SLIT1: variants seen among roughly 807,000 people sequenced by gnomAD.
SLIT1 encodes slit homolog 1 protein.
SLIT1 carries 66 observed loss-of-function variants against 186.1 expected under a neutral mutation model. The ratio of observed to expected loss-of-function variants is 0.35; its 90% CI spans 0.29 to 0.44. SLIT1 has a LOEUF of 0.44. Ranked by LOEUF, SLIT1 falls within the 20% of genes least tolerant of loss-of-function variation. The probability of loss-of-function intolerance (pLI) is 1.00; values close to 1 mark genes in which losing one functional copy is unlikely to be tolerated. For missense variants in SLIT1, 1,638 were observed against 2,037.4 expected, an observed-to-expected ratio of 0.80 and a Z score of 3.77; for synonymous variants, 761 against 833.8, an observed-to-expected ratio of 0.91 and a Z score of 1.50.
At chr10:97,019,853 T>A (rs1848487413) in intron 26 of SLIT1, among the ~76,000 whole-genome samples, 1 of 152,180 alleles carries the variant, frequency 6.6e-6, no homozygotes. Flanking sequence ...GGTGGAATAT[T>A]ACTCCTGCTG....
At chr10:97,092,922 C>T (rs1040924789) in intron 4 of SLIT1, among the ~76,000 whole-genome samples, 2 of 152,190 alleles carry the variant, frequency 1.3e-5, no homozygotes, top group African/African-American at 4.8e-5. Context: ...GGCCACTGGA[C>T]TATTGTTGGC....
At chr10:97,085,359 AC>A (rs888947382) in intron 4 of SLIT1, among the ~76,000 whole-genome samples, 5 of 151,346 alleles carry the variant, frequency 3.3e-5, no homozygotes, top group Non-Finnish European at 7.4e-5. Flanking sequence ...TAACTACTGT[AC>A]CCATGCTTTT....
At chr10:97,040,160 C>T (rs200771363) in intron 20 of SLIT1, 40 bp from the exon 21 acceptor site, 70 of 1,507,526 alleles carry the variant, frequency 4.6e-5, no homozygotes, top group Admixed American at 2.0e-4. Flanking sequence ...GGGAGGTGGA[C>T]GGGCCGCTGT....
chr10:97,044,776 C>A (rs577387255), intron 18 of SLIT1, among the ~76,000 whole-genome samples: 32 of 152,342 alleles, frequency 2.1e-4, no homozygotes, highest in African/African-American at 7.7e-4. Flanking sequence ...ACTACTCCAT[C>A]TTTAGGAATT....
rs757289770 is a variant in SLIT1 at position 96,998,194 on chromosome 10, C to T, written c.*2918G>A. On this transcript the variant is annotated 3_prime_UTR_variant, in exon 37 of 37. Transcript: ENST00000266058. ...ACAAGACGACTACAGAAACCCCCAA[C>T]AAAACGTGCCACGACCACATAGCAT... 6.6e-6 allele frequency: 1 copy of T among 152,254 alleles called. No individual in the cohort carries two copies. The highest frequency in any genetic ancestry group is 1.5e-5 in the Non-Finnish European group (1 of 68,054). 9.4% of individuals were successfully genotyped at this position (152,254 alleles called of 1,614,324 possible). A position where few individuals can be genotyped will look rare whatever the true frequency, so the allele number is the denominator to read the frequency against.
chr10:97,021,439 G>A lies in SLIT1; in HGVS notation c.2583-26C>T. ...CTGAGCAGAAAGCAGAGAGAAGCAG[G>A]CATTACAGCTTCATGGGGTCCCTCG... On this transcript the variant is annotated intron_variant, in intron 25 of 36. Transcript: ENST00000266058. The surrounding 1 kb of genome is among the most constrained non-coding windows in gnomAD (Gnocchi z 4.5). The A allele has an allele frequency of 4.4e-6, 7 of 1,601,360 alleles. No homozygotes were observed. The highest frequency in any genetic ancestry group is 1.1e-5 in the South Asian group (1 of 89,840).
intron 4 of SLIT1, among the ~76,000 whole-genome samples, chr10:97,079,099 C>T (rs531547066): frequency 6.6e-6 from 1 of 152,326 alleles, no homozygotes; most frequent in African/African-American, 2.4e-5. Flanking sequence ...TGACCTTGGG[C>T]AAGTTACTTA....
At chr10:97,025,209 A>G (rs1378773703) in intron 25 of SLIT1, among the ~76,000 whole-genome samples, 1 of 151,166 alleles carries the variant, frequency 6.6e-6, no homozygotes, top group Admixed American at 6.6e-5. Context: ...CAGGAGGCAG[A>G]GGTTGCAGTG....
At chr10:97,074,762 C>A (rs1354753407) in intron 4 of SLIT1, among the ~76,000 whole-genome samples, 1 of 152,262 alleles carries the variant, frequency 6.6e-6, no homozygotes, top group South Asian at 2.1e-4. Flanking sequence ...GGCCCACACC[C>A]TGACTTGGCA....
At chr10:97,167,996 T>C (rs919186533) in intron 1 of SLIT1, among the ~76,000 whole-genome samples, 2 of 152,334 alleles carry the variant, frequency 1.3e-5, no homozygotes, top group South Asian at 4.1e-4. Context: ...TATGTCTTCA[T>C]TAGCAGTGTG....
intron 4 of SLIT1, among the ~76,000 whole-genome samples, chr10:97,138,625 C>T (rs940759207): frequency 6.7e-6 from 1 of 148,700 alleles, no homozygotes; most frequent in Admixed American, 6.9e-5. Context: ...TTCCTATAAA[C>T]GCAGTTGTGA....
chr10:97,016,037 G>T (rs1031587029), intron 28 of SLIT1, among the ~76,000 whole-genome samples: 26 of 152,202 alleles, frequency 1.7e-4, no homozygotes, highest in Non-Finnish European at 3.5e-4. Flanking sequence ...GGCCACGTGG[G>T]GTGGCACATG....
intron 3 of SLIT1, 72 bp downstream of exon 3, chr10:97,163,308 A>C: frequency 7.5e-7 from 1 of 1,338,126 alleles, no homozygotes; most frequent in East Asian, 2.3e-5. Context: ...CATCCCTGGC[A>C]GCAGCTTGGC....
intron 18 of SLIT1, among the ~76,000 whole-genome samples, chr10:97,045,092 C>T (rs1361848253): frequency 6.6e-6 from 1 of 152,204 alleles, no homozygotes; most frequent in East Asian, 1.9e-4. Context: ...CATGCTGGCA[C>T]CCTGGTCTCA....
chr10:97,139,728 G>A (rs186307458), intron 4 of SLIT1, among the ~76,000 whole-genome samples: 26 of 152,290 alleles, frequency 1.7e-4, no homozygotes, highest in Middle Eastern at 3.4e-3. Context: ...TAGAAATGGC[G>A]TGCAGAGTTC....
intron 11 of SLIT1, among the ~76,000 whole-genome samples, chr10:97,058,505 C>T (rs564605752): frequency 8.1e-4 from 123 of 152,358 alleles, no homozygotes; most frequent in South Asian, 3.7e-3. Flanking sequence ...CAGCCAATGA[C>T]AACGATCCCT....
rs572200560 is a variant in SLIT1 at position 97,085,888 on chromosome 10, C to T, written c.414-19802G>A. 7.2e-5 allele frequency among the ~76,000 whole-genome samples: 11 copies of T among 152,200 alleles called. No homozygotes were observed. In the South Asian group the frequency reaches 1.2e-3, roughly 17 times the overall value. On this transcript the variant is annotated intron_variant, in intron 4 of 36. Coordinates refer to ENST00000266058, the MANE Select transcript of SLIT1 (RefSeq NM_003061.3). ...AAAACTAGCCCTTGGGAGGGGTCTGCGATGTTTTGACATTAACAAACAGGT... is the reference window on the plus strand; with the variant it reads ...AAAACTAGCCCTTGGGAGGGGTCTGTGATGTTTTGACATTAACAAACAGGT...
intron 4 of SLIT1, among the ~76,000 whole-genome samples, chr10:97,147,636 G>A (rs561256957): frequency 2.0e-5 from 3 of 151,872 alleles, no homozygotes; most frequent in Admixed American, 6.5e-5. Context: ...AGCTGGGAGG[G>A]GGGGGAAGGA....
rs1206627695 is a variant in SLIT1 at position 97,063,570 on chromosome 10, G to A, written c.678C>T (p.Leu226=). Reference sequence around the variant, plus strand: ...TTGGCCGCTGCCTCAGCCACTGCGAGAGCCAGGCCAGGTGGCAGTCGCAAA... The same window carrying A: ...TTGGCCGCTGCCTCAGCCACTGCGAAAGCCAGGCCAGGTGGCAGTCGCAAA... ...HLFCDCHLAW[L]SQWLRQRPTI... is the part of the protein sequence containing the mutation. Residue 226 remains leucine, a synonymous_variant, in exon 8 of 37, where the codon CTC becomes CTT. Transcript: ENST00000266058. The A allele has an allele frequency of 6.2e-7, 1 of 1,613,424 alleles. No individual in the cohort carries two copies.
Sources: gnomAD v4.1 joint callset for allele counts (sites outside exome capture counted in the v4.1 genomes callset) on GRCh38, gnomAD v4.1.1 for gene constraint, Gnocchi (gnomAD v3.1) non-coding constraint, MANE v1.5 for transcripts, NCBI Gene and HGNC (gene_info 2026-07-23, HGNC 2026-07-21) for gene names.